Variants in STK32B observed in about 807,000 individuals in gnomAD.
STK32B encodes the protein serine/threonine kinase 32B.
STK32B carries 43 observed loss-of-function variants against 52.6 expected under a neutral mutation model. The ratio of observed to expected loss-of-function variants is 0.82; its 90% CI spans 0.64 to 1.05. STK32B has a LOEUF of 1.05. STK32B is among the 50% of genes least tolerant of loss of function. The probability of loss-of-function intolerance (pLI) is 0.00; values close to 1 mark genes in which losing one functional copy is unlikely to be tolerated. For missense variants in STK32B, 621 were observed against 534.6 expected (o/e 1.16, Z -1.59); for synonymous variants, 238 against 204.3 (o/e 1.17, Z -1.41).
At chr4:5,060,359 A>G (rs1742172550) in intron 1 of STK32B, among the ~76,000 whole-genome samples, 2 of 152,160 alleles carry the variant, frequency 1.3e-5, no homozygotes, top group Non-Finnish European at 2.9e-5. Context: ...ATCTGTAGTG[A>G]TAACTCCTTT....
chr4:5,216,158 G>A (rs940538472), intron 3 of STK32B, among the ~76,000 whole-genome samples: 5 of 152,240 alleles, frequency 3.3e-5, no homozygotes, highest in Non-Finnish European at 5.9e-5. Context: ...TCACTGGACC[G>A]CACCTCAGAG....
At chr4:5,211,747 A>C (rs1208130693) in intron 3 of STK32B, among the ~76,000 whole-genome samples, 1 of 152,188 alleles carries the variant, frequency 6.6e-6, no homozygotes, top group South Asian at 2.1e-4. Flanking sequence ...AAGCAAACAA[A>C]CAATCTTGCT....
chr4:5,316,483 TATAATATATATTA>T (rs1730770419), intron 3 of STK32B, among the ~76,000 whole-genome samples: 2 of 3,230 alleles, frequency 6.2e-4, no homozygotes, highest in Non-Finnish European at 7.2e-4. Context: ...ATATATAATA[TATAATATATATTA>T]CATATATAAT....
chr4:5,382,434 T>C (rs1434994014), intron 4 of STK32B, among the ~76,000 whole-genome samples: 1 of 152,116 alleles, frequency 6.6e-6, no homozygotes, highest in Non-Finnish European at 1.5e-5. Flanking sequence ...CAATGTCGCC[T>C]TGGGGTCATC....
chr4:5,216,810 G>T (rs1056936297), intron 3 of STK32B, among the ~76,000 whole-genome samples: 2 of 152,228 alleles, frequency 1.3e-5, no homozygotes, highest in African/African-American at 2.4e-5. Flanking sequence ...TAAACCAGGT[G>T]TGGTGGGTGT....
chr4:5,213,223 A>C (rs1353421474), intron 3 of STK32B, among the ~76,000 whole-genome samples: 1 of 152,126 alleles, frequency 6.6e-6, no homozygotes, highest in African/African-American at 2.4e-5. Context: ...TGGCCCTGAC[A>C]GCTTCTGATT....
chr4:5,322,833 TC>T (rs1210093259), intron 3 of STK32B, among the ~76,000 whole-genome samples: 6 of 152,154 alleles, frequency 3.9e-5, no homozygotes, highest in Non-Finnish European at 8.8e-5. Flanking sequence ...ACTCCAGATT[TC>T]CCCCAGCAAC....
At chr4:5,385,640 G>T (rs1471659643) in intron 4 of STK32B, among the ~76,000 whole-genome samples, 1 of 152,056 alleles carries the variant, frequency 6.6e-6, no homozygotes, top group African/African-American at 2.4e-5. Flanking sequence ...GACAGGTGTG[G>T]TGTGTAACCC....
chr4:5,362,067 A>G (rs1289358603), intron 4 of STK32B, among the ~76,000 whole-genome samples: 1 of 152,188 alleles, frequency 6.6e-6, no homozygotes, highest in Non-Finnish European at 1.5e-5. Flanking sequence ...GGAATAGTAA[A>G]CAAGCTTACT....
chr4:5,195,557 G>A (rs1334205506), intron 3 of STK32B, among the ~76,000 whole-genome samples: 1 of 152,136 alleles, frequency 6.6e-6, no homozygotes, highest in Admixed American at 6.5e-5. Flanking sequence ...CCCAAGCATG[G>A]TGGTGGGTGC....
At chr4:5,165,604 C>T (rs1483035563) in intron 2 of STK32B, among the ~76,000 whole-genome samples, 5 of 152,242 alleles carry the variant, frequency 3.3e-5, no homozygotes, top group African/African-American at 9.6e-5. Context: ...GTGAGAGAGA[C>T]CACAAATTCT....
At chr4:5,392,519 A>T (rs1041035564) in intron 4 of STK32B, among the ~76,000 whole-genome samples, 1 of 152,030 alleles carries the variant, frequency 6.6e-6, no homozygotes, top group African/African-American at 2.4e-5. Flanking sequence ...AATTCTGGGA[A>T]CCCCAATTTA....
chr4:5,337,723 T>C (rs1732801449), intron 4 of STK32B, among the ~76,000 whole-genome samples: 1 of 151,886 alleles, frequency 6.6e-6, no homozygotes, highest in South Asian at 2.1e-4. Flanking sequence ...AAAAAAAAAC[T>C]CAGTAAAAAT....
At chr4:5,242,819 A>G (rs1231034962) in intron 3 of STK32B, among the ~76,000 whole-genome samples, 1 of 152,194 alleles carries the variant, frequency 6.6e-6, no homozygotes, top group Non-Finnish European at 1.5e-5. Context: ...TCCCAGCACC[A>G]TTTATTAAAT....
chr4:5,326,576 TTA>T (rs1175365570), intron 3 of STK32B, among the ~76,000 whole-genome samples: 1 of 152,152 alleles, frequency 6.6e-6, no homozygotes, highest in African/African-American at 2.4e-5. Flanking sequence ...CCTTTAAAAG[TTA>T]TGTTTATACT....
intron 7 of STK32B, 34 bp downstream of exon 7, chr4:5,446,810 G>T (rs756858073): frequency 3.7e-6 from 6 of 1,602,964 alleles, no homozygotes; most frequent in Admixed American, 1.7e-5. Context: ...CACACGAGGG[G>T]CTGTGCAGTG....
At chr4:5,326,395 A>G (rs1462445608) in intron 3 of STK32B, among the ~76,000 whole-genome samples, 2 of 152,040 alleles carry the variant, frequency 1.3e-5, no homozygotes, top group African/African-American at 2.4e-5. Context: ...AAAAATAAAA[A>G]CAGTCATTGC....
intron 3 of STK32B, among the ~76,000 whole-genome samples, chr4:5,204,585 T>C (rs1248836343): frequency 6.6e-6 from 1 of 152,144 alleles, no homozygotes; most frequent in Non-Finnish European, 1.5e-5. Context: ...TTCTTCTGCC[T>C]TAGCCTCCTG....
chr4:5,316,104 C>T (rs2108919844), intron 3 of STK32B, among the ~76,000 whole-genome samples: 1 of 115,158 alleles, frequency 8.7e-6, no homozygotes, highest in East Asian at 2.2e-4. Context: ...ATGCTACTTT[C>T]TGTATAAATA....
Sources: gnomAD v4.1 joint callset for allele counts (sites outside exome capture counted in the v4.1 genomes callset) on GRCh38, gnomAD v4.1.1 for gene constraint, MANE v1.5 for transcripts, NCBI Gene and HGNC (gene_info 2026-07-23, HGNC 2026-07-21) for gene names.